BAIAP2L1: variants seen among roughly 807,000 people sequenced by gnomAD.
The protein encoded by BAIAP2L1 is BAR/IMD domain containing adaptor protein 2 like 1.
Under a neutral mutation model 66.3 loss-of-function variants are expected in BAIAP2L1, and 35 were observed. The observed-to-expected ratio is 0.53, with a 90% confidence interval of 0.40 to 0.70. The LOEUF (loss-of-function observed/expected upper bound fraction) is 0.70, where lower values mean the gene tolerates loss of function less well. BAIAP2L1 is among the 30% of genes least tolerant of loss of function. The pLI, the probability that BAIAP2L1 is intolerant of heterozygous loss-of-function variation, is 0.00. For synonymous variants in BAIAP2L1, 269 were observed against 248.7 expected (o/e 1.08, Z -0.77); for missense variants, 622 against 656.9 (o/e 0.95, Z 0.58).
chr7:98,308,390 G>A (rs1161811272), intron 9 of BAIAP2L1: 2 of 420,178 alleles, frequency 4.8e-6, no homozygotes, highest in African/African-American at 2.0e-5. Flanking sequence ...GGCCTAAGAA[G>A]GACAAGGTGA....
chr7:98,365,519 G>A (rs1413232528), intron 1 of BAIAP2L1, among the ~76,000 whole-genome samples: 7 of 152,198 alleles, frequency 4.6e-5, no homozygotes, highest in African/African-American at 1.7e-4. Context: ...TGCCCAGGAT[G>A]GAGTGCAGTG....
chr7:98,397,212 C>A (rs1236146739), intron 1 of BAIAP2L1, among the ~76,000 whole-genome samples: 1 of 149,998 alleles, frequency 6.7e-6, no homozygotes, highest in African/African-American at 2.4e-5. Flanking sequence ...TGAGGTGACA[C>A]TGAAAGGCTT....
chr7:98,334,058 A>G (rs931389590), intron 3 of BAIAP2L1, among the ~76,000 whole-genome samples: 2 of 152,126 alleles, frequency 1.3e-5, no homozygotes, highest in Non-Finnish European at 2.9e-5. Context: ...ATGAAAGTAC[A>G]TTTCTAAACT....
intron 1 of BAIAP2L1, among the ~76,000 whole-genome samples, chr7:98,369,786 C>T (rs1306300265): frequency 1.3e-5 from 2 of 151,054 alleles, no homozygotes; most frequent in African/African-American, 4.9e-5. Flanking sequence ...ACTCTTGTGC[C>T]TCCGCCTCCC....
intron 1 of BAIAP2L1, among the ~76,000 whole-genome samples, chr7:98,395,491 T>C (rs1339824492): frequency 6.6e-6 from 1 of 150,572 alleles, no homozygotes; most frequent in Non-Finnish European, 1.5e-5. Context: ...GTGCAGCGAC[T>C]GGGAGGTGGC....
chr7:98,359,757 T>TTTG (rs1802225011), intron 2 of BAIAP2L1, among the ~76,000 whole-genome samples: 1 of 149,314 alleles, frequency 6.7e-6, no homozygotes, highest in Non-Finnish European at 1.5e-5. Context: ...TTTTTTTTTT[T>TTTG]TTTTTTTTTT....
chr7:98,394,301 C>A (rs887011493), intron 1 of BAIAP2L1, among the ~76,000 whole-genome samples: 1 of 152,024 alleles, frequency 6.6e-6, no homozygotes, highest in African/African-American at 2.4e-5. Flanking sequence ...CCCTTTCATG[C>A]ATGCAGTTAT....
intron 2 of BAIAP2L1, 101 bp downstream of exon 2, chr7:98,362,256 A>G (rs1460313251): frequency 1.2e-6 from 1 of 860,032 alleles, no homozygotes; most frequent in African/African-American, 1.7e-5. Flanking sequence ...ACAATTTTTA[A>G]CCACTTAAAG....
intron 11 of BAIAP2L1, among the ~76,000 whole-genome samples, chr7:98,306,122 A>G (rs1319573742): frequency 3.3e-5 from 5 of 152,298 alleles, no homozygotes; most frequent in Admixed American, 6.5e-5. Context: ...GAACGGTAAG[A>G]TAAGTGTAAG....
Position 98,355,311 on chromosome 7 carries a change from C to T in BAIAP2L1, c.128-183G>A, listed in dbSNP as rs2115694553. Reference sequence around the variant, plus strand: ...GGTGCCGGGGTGGAGGCCCTCCAGCCAAGGGACAGCCCCATGAGATCCTCG... The same window carrying T: ...GGTGCCGGGGTGGAGGCCCTCCAGCTAAGGGACAGCCCCATGAGATCCTCG... On this transcript the variant is annotated intron_variant, in intron 2 of 13. Coordinates refer to ENST00000005260, the MANE Select transcript of BAIAP2L1 (RefSeq NM_018842.5). 1.8e-5 allele frequency: 11 copies of T among 608,050 alleles called. No individual in the cohort carries two copies. The South Asian group carries it at 2.0e-4, about 11-fold the overall frequency. 37.7% of individuals were successfully genotyped at this position (608,050 alleles called of 1,614,324 possible). A position where few individuals can be genotyped will look rare whatever the true frequency, so the allele number is the denominator to read the frequency against.
chr7:98,315,776 T>C (rs1801057557), intron 6 of BAIAP2L1, among the ~76,000 whole-genome samples, 164 bp from the exon 7 acceptor site: 1 of 152,218 alleles, frequency 6.6e-6, no homozygotes, highest in South Asian at 2.1e-4. Context: ...CCTAAGTAGA[T>C]ACCATCGTTC....
chr7:98,321,590 CA>C (rs1291102655), intron 3 of BAIAP2L1, among the ~76,000 whole-genome samples: 4 of 152,174 alleles, frequency 2.6e-5, no homozygotes, highest in African/African-American at 9.7e-5. Context: ...AGCTCTCTGC[CA>C]CCTTTCTACA....
At position 98,293,477 on chromosome 7, in the gene BAIAP2L1, C is replaced by T. The variant is rs1584406602; in HGVS notation, c.*44G>A. On this transcript the variant is annotated 3_prime_UTR_variant, in exon 14 of 14. Coordinates refer to ENST00000005260, the MANE Select transcript of BAIAP2L1 (RefSeq NM_018842.5). Reference sequence around the variant, plus strand: ...CAGACAGGATGCGCCCATCATTCCGCAAGGGAGAACCGGAGAGGCCCGGGA... The same window carrying T: ...CAGACAGGATGCGCCCATCATTCCGTAAGGGAGAACCGGAGAGGCCCGGGA... 4 of 1,574,640 alleles carry T rather than the reference C, an allele frequency of 2.5e-6. No homozygotes were observed. In the East Asian group the frequency reaches 9.0e-5, roughly 35 times the overall value.
chr7:98,393,975 C>CA (rs1394201371), intron 1 of BAIAP2L1, among the ~76,000 whole-genome samples: 7 of 151,976 alleles, frequency 4.6e-5, no homozygotes, highest in African/African-American at 1.7e-4. Flanking sequence ...CGCGGTGGCT[C>CA]ACGCCTGTAA....
chr7:98,294,750 A>G (rs1800115289), intron 12 of BAIAP2L1, among the ~76,000 whole-genome samples: 1 of 152,082 alleles, frequency 6.6e-6, no homozygotes, highest in South Asian at 2.1e-4. Context: ...TAAAAATAAA[A>G]CCCCACTGGC....
At chr7:98,303,345 G>C (rs749810388) in intron 12 of BAIAP2L1, among the ~76,000 whole-genome samples, 2 of 152,092 alleles carry the variant, frequency 1.3e-5, no homozygotes, top group African/African-American at 2.4e-5. Flanking sequence ...ACAGCTCCTG[G>C]AGCGAGGGGT....
intron 2 of BAIAP2L1, among the ~76,000 whole-genome samples, chr7:98,357,047 A>T (rs1323521750): frequency 6.1e-5 from 1 of 16,488 alleles, no homozygotes; most frequent in African/African-American, 2.4e-4. Context: ...ATATATATAT[A>T]TATTTTTTTT....
intron 12 of BAIAP2L1, among the ~76,000 whole-genome samples, chr7:98,300,694 C>T (rs566109321): frequency 3.2e-4 from 48 of 152,234 alleles, no homozygotes; most frequent in South Asian, 1.9e-3. Flanking sequence ...GAAGCACCAC[C>T]GTGAGGTGCG....
At chr7:98,332,966 C>A (rs1801534763) in intron 3 of BAIAP2L1, among the ~76,000 whole-genome samples, 1 of 152,080 alleles carries the variant, frequency 6.6e-6, no homozygotes. Flanking sequence ...CAGACCTCAT[C>A]CTCGCCTGCC....
Sources: gnomAD v4.1 joint callset for allele counts (sites outside exome capture counted in the v4.1 genomes callset) on GRCh38, gnomAD v4.1.1 for gene constraint, MANE v1.5 for transcripts, NCBI Gene and HGNC (gene_info 2026-07-23, HGNC 2026-07-21) for gene names.